Variants in DRC11 observed in about 807,000 individuals in gnomAD.
DRC11 encodes the protein dynein regulatory complex subunit 11.
At chr2:236,434,879 C>T in the DRC11 span, among the ~76,000 whole-genome samples, 5 of 152,018 alleles carry the variant, frequency 3.3e-5, no homozygotes, top group African/African-American at 1.2e-4. This position sits in a 1 kb window ranked among gnomAD's most constrained non-coding sequence, Gnocchi z 5.5. Flanking sequence ...ATTTAGCTGG[C>T]GGGACAACAC....
the DRC11 span, among the ~76,000 whole-genome samples, chr2:236,361,828 G>C: frequency 9.2e-5 from 14 of 152,136 alleles, no homozygotes; most frequent in Non-Finnish European, 2.1e-4. This position sits in a 1 kb window ranked among gnomAD's most constrained non-coding sequence, Gnocchi z 5.7. Context: ...TTGTCAGATT[G>C]AAGAAGAAAG....
At chr2:236,495,407 C>A in the DRC11 span, among the ~76,000 whole-genome samples, 7 of 152,158 alleles carry the variant, frequency 4.6e-5, no homozygotes, top group Admixed American at 4.6e-4. This position sits in a 1 kb window ranked among gnomAD's most constrained non-coding sequence, Gnocchi z 5.6. Flanking sequence ...GGAAGAGAAG[C>A]AAAGAGAGAT....
the DRC11 span, among the ~76,000 whole-genome samples, chr2:236,388,589 T>G: frequency 1.3e-5 from 2 of 148,150 alleles, no homozygotes; most frequent in Non-Finnish European, 3.0e-5. Flanking sequence ...GTTTTCAACT[T>G]CTTTGCCTTT....
chr2:236,427,008 A>G, the DRC11 span, among the ~76,000 whole-genome samples: 3 of 152,172 alleles, frequency 2.0e-5, no homozygotes, highest in African/African-American at 4.8e-5. The surrounding 1 kb of genome is among the most constrained non-coding windows in gnomAD (Gnocchi z 5.9). Flanking sequence ...ATTTTGCCAA[A>G]TACTTTTTCT....
chr2:236,349,304 C>T, the DRC11 span, among the ~76,000 whole-genome samples: 1 of 152,166 alleles, frequency 6.6e-6, no homozygotes, highest in Non-Finnish European at 1.5e-5. This position sits in a 1 kb window ranked among gnomAD's most constrained non-coding sequence, Gnocchi z 5.5. Context: ...AAAAGCTTCC[C>T]TACTTCCAGC....
At chr2:236,484,600 CT>C in the DRC11 span, among the ~76,000 whole-genome samples, 977 of 137,200 alleles carry the variant, frequency 7.1e-3, 6 homozygotes, top group Middle Eastern at 0.015. Context: ...ATATTCTTGG[CT>C]TTTTTTTTTT....
the DRC11 span, among the ~76,000 whole-genome samples, chr2:236,491,233 A>ACACAG: frequency 2.9e-5 from 2 of 69,386 alleles, no homozygotes; most frequent in Non-Finnish European, 6.0e-5. Context: ...ATATATATAT[A>ACACAG]TATATATACA....
At chr2:236,416,768 T>TGA in the DRC11 span, among the ~76,000 whole-genome samples, 1 of 92,962 alleles carries the variant, frequency 1.1e-5, no homozygotes, top group Non-Finnish European at 2.2e-5. Flanking sequence ...TATATATATA[T>TGA]AAATAATTTT....
At chr2:236,454,721 G>A in the DRC11 span, 2 of 152,266 alleles carry the variant, frequency 1.3e-5, no homozygotes, top group Admixed American at 6.5e-5. The surrounding 1 kb of genome is among the most constrained non-coding windows in gnomAD (Gnocchi z 5.3). Flanking sequence ...GAACCTTCAG[G>A]TGGTTTCCTT....
chr2:236,490,254 A>G, the DRC11 span, among the ~76,000 whole-genome samples: 9 of 152,342 alleles, frequency 5.9e-5, no homozygotes, highest in East Asian at 1.7e-3. This position sits in a 1 kb window ranked among gnomAD's most constrained non-coding sequence, Gnocchi z 5.5. Flanking sequence ...GTGACCACTT[A>G]AGAGTGAAGA....
At chr2:236,353,230 C>A in the DRC11 span, among the ~76,000 whole-genome samples, 1 of 152,156 alleles carries the variant, frequency 6.6e-6, no homozygotes, top group Non-Finnish European at 1.5e-5. This position sits in a 1 kb window ranked among gnomAD's most constrained non-coding sequence, Gnocchi z 5.0. Context: ...GTTCACGTCA[C>A]CTGCCAGTAG....
chr2:236,459,548 T>TATACGG, the DRC11 span, among the ~76,000 whole-genome samples: 1 of 136,350 alleles, frequency 7.3e-6, no homozygotes, highest in Non-Finnish European at 1.6e-5. Flanking sequence ...TACGTATACG[T>TATACGG]ATACATGTAT....
At chr2:236,410,739 C>T in the DRC11 span, among the ~76,000 whole-genome samples, 13 of 150,960 alleles carry the variant, frequency 8.6e-5, no homozygotes, top group African/African-American at 2.7e-4. Flanking sequence ...AGAAATAATG[C>T]CACATATCTA....
chr2:236,374,791 A>C, the DRC11 span, among the ~76,000 whole-genome samples: 9 of 151,880 alleles, frequency 5.9e-5, no homozygotes, highest in Admixed American at 5.2e-4. Flanking sequence ...CCCGGGTTCA[A>C]GCGATTCTCC....
At chr2:236,472,323 C>G in the DRC11 span, among the ~76,000 whole-genome samples, 2 of 152,196 alleles carry the variant, frequency 1.3e-5, no homozygotes, top group African/African-American at 2.4e-5. This position sits in a 1 kb window ranked among gnomAD's most constrained non-coding sequence, Gnocchi z 4.6. Context: ...ACAATTCCCC[C>G]CTGCAGCTAG....
chr2:236,503,601 T>C, the DRC11 span: 2 of 1,544,016 alleles, frequency 1.3e-6, no homozygotes, highest in Non-Finnish European at 1.8e-6. This position sits in a 1 kb window ranked among gnomAD's most constrained non-coding sequence, Gnocchi z 4.9. Context: ...ATGAGCAGCT[T>C]TGAAAGCACA....
chr2:236,396,216 CTAGAGCGGAGAAA>C, the DRC11 span, among the ~76,000 whole-genome samples: 1 of 137,144 alleles, frequency 7.3e-6, no homozygotes, highest in Non-Finnish European at 1.5e-5. Flanking sequence ...CCACTCTCTC[CTAGAGCGGAGAAA>C]GAGCTTTTAT....
At chr2:236,317,825 G>A in the DRC11 span, among the ~76,000 whole-genome samples, 11 of 152,196 alleles carry the variant, frequency 7.2e-5, no homozygotes, top group Non-Finnish European at 1.5e-4. The surrounding 1 kb of genome is among the most constrained non-coding windows in gnomAD (Gnocchi z 5.4). Context: ...CCTGGCATGT[G>A]GAGTGCCTCT....
chr2:236,327,195 G>A, the DRC11 span, among the ~76,000 whole-genome samples: 221 of 152,166 alleles, frequency 1.5e-3, 1 homozygote, highest in Non-Finnish European at 2.9e-3. Context: ...GTGATATTAG[G>A]GATATCAAAG....
Sources: allele counts gnomAD v4.1 joint callset (sites outside exome capture counted in the v4.1 genomes callset), GRCh38; gene constraint gnomAD v4.1.1; non-coding constraint Gnocchi (gnomAD v3.1); transcripts MANE v1.5; gene names NCBI Gene and HGNC (gene_info 2026-07-23, HGNC 2026-07-21).